Variants in OTUD7A observed in about 807,000 individuals in gnomAD.
The protein encoded by OTUD7A is OTU deubiquitinase 7A.
In OTUD7A, 12 loss-of-function variants were observed where a neutral mutation model predicts 65.7. The observed-to-expected ratio is 0.18, with a 90% CI of 0.12 to 0.30. The LOEUF (loss-of-function observed/expected upper bound fraction) is 0.30, where lower values mean the gene tolerates loss of function less well. Among genes scored for constraint, OTUD7A ranks in the 10% least tolerant of loss-of-function variants. The pLI is 1.00. For missense variants in OTUD7A, 1,148 were observed against 1,304.8 expected (o/e 0.88, Z 1.85); for synonymous variants, 641 against 586.3 (o/e 1.09, Z -1.35).
chr15:31,520,887 C>A (rs1442572464), intron 8 of OTUD7A, among the ~76,000 whole-genome samples: 1 of 152,168 alleles, frequency 6.6e-6, no homozygotes, highest in Non-Finnish European at 1.5e-5. Context: ...ACCTAAGTGT[C>A]CATCAACGTA....
At chr15:31,830,661 T>C (rs1896907592) in intron 1 of OTUD7A, among the ~76,000 whole-genome samples, 1 of 152,260 alleles carries the variant, frequency 6.6e-6, no homozygotes, top group Non-Finnish European at 1.5e-5. Flanking sequence ...CTCCCACTTA[T>C]ACCACAATGA....
chr15:31,796,016 C>T (rs1462208078), intron 1 of OTUD7A, among the ~76,000 whole-genome samples: 1 of 152,152 alleles, frequency 6.6e-6, no homozygotes, highest in Non-Finnish European at 1.5e-5. Flanking sequence ...TCATAGAAGG[C>T]TCAGTTAAGG....
chr15:31,790,494 A>T (rs1321046238), intron 1 of OTUD7A, among the ~76,000 whole-genome samples: 6 of 152,192 alleles, frequency 3.9e-5, no homozygotes, highest in Admixed American at 3.9e-4. Context: ...GGATAAATAA[A>T]AAAGAAGAGG....
chr15:31,674,194 G>C (rs1233330786), intron 1 of OTUD7A, among the ~76,000 whole-genome samples: 1 of 152,156 alleles, frequency 6.6e-6, no homozygotes, highest in Non-Finnish European at 1.5e-5. Flanking sequence ...TGCAAAGAGG[G>C]CATTCTGGGC....
intron 12 of OTUD7A, among the ~76,000 whole-genome samples, chr15:31,486,273 C>T (rs1158102316): frequency 6.6e-6 from 1 of 152,196 alleles, no homozygotes; most frequent in East Asian, 1.9e-4. Flanking sequence ...AGACGCAGGA[C>T]TCAAACTGCC....
chr15:31,560,938 T>C (rs191437892), intron 4 of OTUD7A, among the ~76,000 whole-genome samples: 135 of 152,352 alleles, frequency 8.9e-4, no homozygotes, highest in African/African-American at 3.2e-3. Flanking sequence ...AGAAATGGCA[T>C]TCATGGAGTT....
At chr15:31,515,855 A>G (rs1408621891) in intron 8 of OTUD7A, among the ~76,000 whole-genome samples, 1 of 146,200 alleles carries the variant, frequency 6.8e-6, no homozygotes, top group African/African-American at 2.6e-5. Context: ...CCATTCATCC[A>G]TCCATGCCAT....
At chr15:31,833,168 A>C (rs1256468069) in intron 1 of OTUD7A, among the ~76,000 whole-genome samples, 1 of 152,222 alleles carries the variant, frequency 6.6e-6, no homozygotes, top group East Asian at 1.9e-4. Context: ...CCTTTCCCAG[A>C]GAAAAAATGA....
chr15:31,529,739 C>G (rs1053230185), intron 6 of OTUD7A, among the ~76,000 whole-genome samples: 1 of 152,138 alleles, frequency 6.6e-6, no homozygotes, highest in Non-Finnish European at 1.5e-5. Flanking sequence ...TAGGCCTCAC[C>G]GCAGGTCCAA....
chr15:31,626,505 C>T (rs1481759806), intron 3 of OTUD7A, among the ~76,000 whole-genome samples: 1 of 152,080 alleles, frequency 6.6e-6, no homozygotes, highest in Non-Finnish European at 1.5e-5. Context: ...TCTGTGTGTG[C>T]ATGGAACTAT....
chr15:31,773,306 A>G (rs552649777), intron 1 of OTUD7A, among the ~76,000 whole-genome samples: 1 of 152,364 alleles, frequency 6.6e-6, no homozygotes, highest in East Asian at 1.9e-4. Context: ...TAACAAAAAT[A>G]CCATTGAATA....
chr15:31,804,014 C>T (rs1188084932), intron 1 of OTUD7A, among the ~76,000 whole-genome samples: 1 of 152,124 alleles, frequency 6.6e-6, no homozygotes, highest in Non-Finnish European at 1.5e-5. Context: ...GCCTCCCTAA[C>T]TCCAGGGGAG....
chr15:31,554,398 T>G (rs924854255), intron 5 of OTUD7A, among the ~76,000 whole-genome samples: 3 of 152,190 alleles, frequency 2.0e-5, no homozygotes, highest in Non-Finnish European at 4.4e-5. Context: ...TACACATCTC[T>G]GACTTTCAGA....
intron 3 of OTUD7A, among the ~76,000 whole-genome samples, chr15:31,616,794 T>C (rs1890601396): frequency 6.6e-6 from 1 of 152,092 alleles, no homozygotes; most frequent in African/African-American, 2.4e-5. Context: ...TCTGCCCACC[T>C]CGGCCTCCCA....
rs564250403 is a variant in OTUD7A at position 31,730,878 on chromosome 15, T to C, written c.-99-73801A>G. ...GACATGATGGAGGGATGGAGGACCA[T>C]TGATAGTTCAAACTCAGGTACTGCA... is the stretch of plus-strand genomic sequence containing the variant. On this transcript the variant is annotated intron_variant, in intron 1 of 12. Coordinates refer to ENST00000307050, the MANE Select transcript of OTUD7A (RefSeq NM_001382637.1). 3.2e-4 allele frequency among the ~76,000 whole-genome samples: 48 copies of C among 152,330 alleles called. No homozygotes were observed. In the East Asian group the frequency reaches 3.3e-3, roughly 10 times the overall value.
intron 3 of OTUD7A, among the ~76,000 whole-genome samples, chr15:31,586,358 T>C (rs182617603): frequency 1.1e-3 from 167 of 152,354 alleles, no homozygotes; most frequent in Non-Finnish European, 7.5e-4. Context: ...ATTTACAACA[T>C]GGCTATGGTG....
intron 3 of OTUD7A, among the ~76,000 whole-genome samples, chr15:31,602,406 C>G (rs756419099): frequency 1.6e-4 from 24 of 152,244 alleles, no homozygotes; most frequent in Middle Eastern, 3.4e-3. Flanking sequence ...ATTCAACACC[C>G]CTTCATGGTA....
At chr15:31,583,088 G>A (rs751411628) in intron 3 of OTUD7A, among the ~76,000 whole-genome samples, 1 of 152,210 alleles carries the variant, frequency 6.6e-6, no homozygotes, top group Non-Finnish European at 1.5e-5. Flanking sequence ...TAAAGCAACA[G>A]CGTCCTTGCC....
intron 3 of OTUD7A, among the ~76,000 whole-genome samples, chr15:31,646,472 T>C (rs186646633): frequency 6.6e-6 from 1 of 151,500 alleles, no homozygotes; most frequent in East Asian, 1.9e-4. Flanking sequence ...TTTTGTTTTT[T>C]TTTTTTGAGA....
Sources: gnomAD v4.1 joint callset for allele counts (sites outside exome capture counted in the v4.1 genomes callset) on GRCh38, gnomAD v4.1.1 for gene constraint, MANE v1.5 for transcripts, NCBI Gene and HGNC (gene_info 2026-07-23, HGNC 2026-07-21) for gene names.